The following ARL8B variants were observed in gnomAD, a reference collection of about 807,000 sequenced individuals.
ARL8B encodes ARF like GTPase 8B, also known as ADP-ribosylation factor-like protein 8B.
ARL8B carries 9 observed loss-of-function variants against 30.6 expected under a neutral mutation model. That is an observed-to-expected ratio of 0.29 (90% CI 0.18 to 0.51). The LOEUF is 0.51. Ranked by LOEUF, ARL8B falls within the 20% of genes least tolerant of loss-of-function variation. The pLI, the probability that ARL8B is intolerant of heterozygous loss-of-function variation, is 0.97. For missense variants in ARL8B, 130 were observed against 227.2 expected, an observed-to-expected ratio of 0.57 and a Z score of 2.75; for synonymous variants, 74 against 76.0, an observed-to-expected ratio of 0.97 and a Z score of 0.14.
intron 6 of ARL8B, among the ~76,000 whole-genome samples, chr3:5,176,387 C>T (rs1474227818): frequency 2.0e-5 from 3 of 152,074 alleles, no homozygotes; most frequent in Non-Finnish European, 4.4e-5. Flanking sequence ...CCCACTACCA[C>T]GCCTGGCTAA....
intron 1 of ARL8B, among the ~76,000 whole-genome samples, chr3:5,142,641 A>G (rs1263595993): frequency 6.6e-6 from 1 of 152,206 alleles, no homozygotes; most frequent in East Asian, 1.9e-4. Flanking sequence ...TTTGCCTTAA[A>G]TCCTTTACCT....
At chr3:5,167,360 TA>T (rs1295287143) in intron 1 of ARL8B, among the ~76,000 whole-genome samples, 1 of 152,140 alleles carries the variant, frequency 6.6e-6, no homozygotes, top group East Asian at 1.9e-4. Flanking sequence ...ACCTCTGAAA[TA>T]ATAATGACTC....
chr3:5,164,916 C>T (rs781028735), intron 1 of ARL8B, among the ~76,000 whole-genome samples: 6 of 152,110 alleles, frequency 3.9e-5, no homozygotes, highest in Non-Finnish European at 5.9e-5. Flanking sequence ...TCACACATAA[C>T]CCTTCTTTTA....
intron 1 of ARL8B, among the ~76,000 whole-genome samples, chr3:5,142,740 G>A (rs1459606635): frequency 6.6e-6 from 1 of 152,150 alleles, no homozygotes; most frequent in African/African-American, 2.4e-5. Context: ...CAAATGAGAG[G>A]TTGAGTTTTT....
chr3:5,148,394 C>G (rs1411706341), intron 1 of ARL8B, among the ~76,000 whole-genome samples: 1 of 152,082 alleles, frequency 6.6e-6, no homozygotes, highest in African/African-American at 2.4e-5. Context: ...TGTTCTAATT[C>G]TTTTCTTAAA....
intron 1 of ARL8B, among the ~76,000 whole-genome samples, chr3:5,161,225 AAAAT>A (rs1338587619): frequency 6.6e-6 from 1 of 152,250 alleles, no homozygotes; most frequent in Non-Finnish European, 1.5e-5. Context: ...TTATCTTGAA[AAAAT>A]AAATGATTCA....
chr3:5,143,603 C>T (rs1025969721), intron 1 of ARL8B, among the ~76,000 whole-genome samples: 2 of 152,228 alleles, frequency 1.3e-5, no homozygotes, highest in Non-Finnish European at 2.9e-5. Flanking sequence ...GAGTCCACCC[C>T]TGTTCAGCCG....
chr3:5,178,637 G>A, intron 6 of ARL8B, 27 bp from the exon 7 acceptor site: 2 of 1,587,422 alleles, frequency 1.3e-6, no homozygotes, highest in African/African-American at 1.4e-5. Flanking sequence ...TAACTTTAAT[G>A]TCTTCACTTT....
At chr3:5,129,017 T>A (rs1343328457) in intron 1 of ARL8B, among the ~76,000 whole-genome samples, 1 of 148,544 alleles carries the variant, frequency 6.7e-6, no homozygotes, top group Non-Finnish European at 1.5e-5. Context: ...GAGGGATTTT[T>A]CCTATGTTTT....
chr3:5,145,515 A>C (rs1438551597), intron 1 of ARL8B, among the ~76,000 whole-genome samples: 1 of 152,078 alleles, frequency 6.6e-6, no homozygotes, highest in Non-Finnish European at 1.5e-5. Context: ...AGACAAAAGC[A>C]ATATGTTGCC....
intron 1 of ARL8B, among the ~76,000 whole-genome samples, chr3:5,165,497 G>A (rs574866385): frequency 3.0e-4 from 45 of 152,102 alleles, no homozygotes; most frequent in African/African-American, 1.1e-3. Flanking sequence ...GTCCTAGTGT[G>A]TTTTGTTTTA....
At chr3:5,171,466 C>T (rs900534248) in intron 2 of ARL8B, among the ~76,000 whole-genome samples, 1 of 152,066 alleles carries the variant, frequency 6.6e-6, no homozygotes, top group African/African-American at 2.4e-5. Context: ...GTTCTCCTGC[C>T]TCAGCCTCCC....
rs754660019 is a variant in ARL8B at position 5,170,525 on chromosome 3, T to C, written c.146T>C (p.Met49Thr). The change falls in exon 2 of 7, where the codon ATG becomes ACG. Residue 49 changes from methionine (M) to threonine (T), a missense_variant. Coordinates refer to ENST00000256496, the MANE Select transcript of ARL8B (RefSeq NM_018184.3). Reference sequence around the variant, plus strand: ...CAGTCAGGTCAATTCAGTGAAGATATGATACCCACAGTGGGCTTCAACATG... The same window carrying C: ...CAGTCAGGTCAATTCAGTGAAGATACGATACCCACAGTGGGCTTCAACATG... ...VIASGQFSED[M>T]IPTVGFNMRK... 5 of 1,612,900 alleles carry C rather than the reference T, an allele frequency of 3.1e-6. No individual in the cohort carries two copies. Among genetic ancestry groups the C allele is most frequent in the Non-Finnish European group, 4.2e-6 (5 of 1,179,348 alleles).
At chr3:5,126,153 C>T (rs765045613) in intron 1 of ARL8B, among the ~76,000 whole-genome samples, 1 of 151,646 alleles carries the variant, frequency 6.6e-6, no homozygotes, top group Non-Finnish European at 1.5e-5. Context: ...TCTAACCTAA[C>T]CCCTGATTCT....
At chr3:5,153,540 A>C (rs765973946) in intron 1 of ARL8B, among the ~76,000 whole-genome samples, 1 of 152,070 alleles carries the variant, frequency 6.6e-6, no homozygotes, top group African/African-American at 2.4e-5. Context: ...CCACTCTTGG[A>C]TATGTGTTTA....
In ARL8B at chr3:5,172,610, C is replaced by G. The variant is rs113397151; in HGVS notation, c.279-37C>G. 4.4e-5 allele frequency: 60 copies of G among 1,358,042 alleles called. 1 individual carries two copies. The African/African-American group carries it at 4.7e-4, about 11-fold the overall frequency. 84.1% of individuals were successfully genotyped at this position (1,358,042 alleles called of 1,614,324 possible). ...TACTAGTTGTCATCATCAAGGCATA[C>G]AGAGAAGGTATGTTGAGATCACTTC... is the stretch of plus-strand genomic sequence containing the variant. On this transcript the variant is annotated intron_variant, in intron 3 of 6. Transcript: ENST00000256496.
At chr3:5,156,779 G>A (rs1043422671) in intron 1 of ARL8B, 1 of 152,186 alleles carries the variant, frequency 6.6e-6, no homozygotes, top group African/African-American at 2.4e-5. Flanking sequence ...AGTAGAGATG[G>A]GATTTCACCA....
At chr3:5,127,397 G>A (rs1037492771) in intron 1 of ARL8B, among the ~76,000 whole-genome samples, 14 of 152,006 alleles carry the variant, frequency 9.2e-5, no homozygotes, top group Admixed American at 7.2e-4. Flanking sequence ...TTTTTGTATC[G>A]TATATGAAAT....
At chr3:5,152,367 G>A (rs1391179160) in intron 1 of ARL8B, among the ~76,000 whole-genome samples, 4 of 151,960 alleles carry the variant, frequency 2.6e-5, no homozygotes, top group East Asian at 1.9e-4. Context: ...CTTTGAAGTC[G>A]GCTTTTTCTT....
Sources: allele counts gnomAD v4.1 joint callset (sites outside exome capture counted in the v4.1 genomes callset), GRCh38; gene constraint gnomAD v4.1.1; transcripts MANE v1.5; gene names NCBI Gene and HGNC (gene_info 2026-07-23, HGNC 2026-07-21).